Variants in ITGB2 observed in about 807,000 individuals in gnomAD.
ITGB2 encodes integrin beta-2.
A neutral mutation model predicts 86.8 loss-of-function variants in ITGB2; 56 were observed. The ratio of observed to expected loss-of-function variants is 0.65; its 90% confidence interval spans 0.52 to 0.81. ITGB2 has a LOEUF of 0.81. Ranked by LOEUF, ITGB2 falls within the 30% of genes least tolerant of loss-of-function variation. ITGB2 has a pLI of 0.00. For missense variants in ITGB2, 948 were observed against 1,061.2 expected (o/e 0.89, Z 1.48); for synonymous variants, 457 against 450.4 (o/e 1.01, Z -0.19).
chr21:44,894,775 C>G, intron 9 of ITGB2, 196 bp downstream of exon 9: 1 of 641,142 alleles, frequency 1.6e-6, no homozygotes. Context: ...CGAGAGAGGA[C>G]CCAGAGCTCC....
chr21:44,922,478 C>T (rs1348533558), upstream of ITGB2, among the ~76,000 whole-genome samples: 1 of 151,854 alleles, frequency 6.6e-6, no homozygotes, highest in Non-Finnish European at 1.5e-5. Flanking sequence ...GCCTAGGCAA[C>T]ATTTGGAGAC....
chr21:44,927,667 G>C (rs2084391419), intron 1 of ITGB2: 1 of 152,442 alleles, frequency 6.6e-6, no homozygotes, highest in Non-Finnish European at 1.5e-5. Flanking sequence ...TTTGAAGGCG[G>C]GTGAGACCTT....
chr21:44,899,865 G>T (rs1475541483), intron 7 of ITGB2, among the ~76,000 whole-genome samples: 1 of 152,248 alleles, frequency 6.6e-6, no homozygotes, highest in African/African-American at 2.4e-5. Context: ...CAGGCAATGG[G>T]GGCAGGGAGG....
chr21:44,912,453 G>A (rs1392530716), intron 1 of ITGB2, among the ~76,000 whole-genome samples: 1 of 152,228 alleles, frequency 6.6e-6, no homozygotes, highest in Non-Finnish European at 1.5e-5. Flanking sequence ...TGTTGTTTTG[G>A]CAGTGACCTC....
chr21:44,901,815 G>C (rs2083964144), intron 5 of ITGB2, 82 bp from the exon 6 acceptor site: 1 of 1,465,444 alleles, frequency 6.8e-7, no homozygotes, highest in Admixed American at 2.0e-5. Context: ...ACGAGGGCAA[G>C]CCTGTTTCCT....
At chr21:44,893,874 A>T in intron 9 of ITGB2, 1 of 366,316 alleles carries the variant, frequency 2.7e-6, no homozygotes, top group Non-Finnish European at 5.4e-6. Flanking sequence ...GATAAGAGAG[A>T]TGGGGAGAAA....
At chr21:44,895,423 G>A (rs955522055) in intron 8 of ITGB2, among the ~76,000 whole-genome samples, 4 of 152,122 alleles carry the variant, frequency 2.6e-5, no homozygotes, top group Non-Finnish European at 4.4e-5. Flanking sequence ...CCAGATACTC[G>A]GGAGGCTGAG....
chr21:44,925,920 TACA>T (rs1245468357), intron 1 of ITGB2, among the ~76,000 whole-genome samples: 1 of 151,994 alleles, frequency 6.6e-6, no homozygotes, highest in East Asian at 1.9e-4. Context: ...CTACTAAAAA[TACA>T]ACAACAACAA....
chr21:44,905,080 A>G (rs1393293484), intron 4 of ITGB2, among the ~76,000 whole-genome samples: 2 of 152,190 alleles, frequency 1.3e-5, no homozygotes, highest in East Asian at 1.9e-4. Flanking sequence ...CCCACGAGCA[A>G]TGTGGCCATG....
At position 44,889,370 on chromosome 21, in the gene ITGB2, G is replaced by A. The variant is rs756086891; in HGVS notation, c.1783C>T (p.Arg595Trp). Residue 595 changes from arginine (R) to tryptophan (W), a missense_variant, in exon 13 of 16, where the codon CGG becomes TGG. Coordinates refer to ENST00000652462, the MANE Select transcript of ITGB2 (RefSeq NM_000211.5). ...PRRVECSGRGRCRCNVCECHS... is the reference protein window; with the variant it reads ...PRRVECSGRGWCRCNVCECHS... ...CACTCGCATACGTTGCAGCGGCACCGGCCACGACCACTACACTCAACACGC... is the reference window on the plus strand; with the variant it reads ...CACTCGCATACGTTGCAGCGGCACCAGCCACGACCACTACACTCAACACGC... 66 of 1,612,728 alleles carry A rather than the reference G, an allele frequency of 4.1e-5. No homozygotes were observed. In the South Asian group the frequency reaches 4.6e-4, roughly 11 times the overall value.
At chr21:44,920,783 A>C (rs963928628) in intron 1 of ITGB2, 38 bp downstream of exon 1, 6 of 152,240 alleles carry the variant, frequency 3.9e-5, no homozygotes, top group African/African-American at 1.4e-4. Flanking sequence ...TTCCCTCCAA[A>C]AATCACCGTG....
rs766736050 is a variant in ITGB2 at position 44,891,975 on chromosome 21, T to C, written c.1246A>G (p.Thr416Ala). 6.2e-7 allele frequency: 1 copy of C among 1,612,940 alleles called. No individual in the cohort carries two copies. Among genetic ancestry groups the C allele is most frequent in the South Asian group, 1.1e-5 (1 of 91,072 alleles). ...NVPITFQVKV[T>A]ATECIQEQSF... Reference sequence around the variant, plus strand: ...TGCTCCTGGATGCACTCTGTGGCCGTGACCTTCACCTGGAAGGTGATCTGC... The same window carrying C: ...TGCTCCTGGATGCACTCTGTGGCCGCGACCTTCACCTGGAAGGTGATCTGC... The change falls in exon 11 of 16, where the codon ACG becomes GCG. Residue 416 changes from threonine (T) to alanine (A), a missense_variant. By Grantham distance (58) the Thr-to-Ala change is moderately conservative. Coordinates refer to ENST00000652462, the MANE Select transcript of ITGB2 (RefSeq NM_000211.5).
chr21:44,913,129 C>T (rs1269436982), intron 1 of ITGB2, among the ~76,000 whole-genome samples: 1 of 150,000 alleles, frequency 6.7e-6, no homozygotes, highest in Admixed American at 6.6e-5. Flanking sequence ...GGCTTCAGGA[C>T]TCCCCCAGGG....
rs150327269 is a variant in ITGB2, at chr21:44,900,320, G to A, written c.897C>T (p.Phe299=). 1.7e-5 allele frequency: 27 copies of A among 1,614,074 alleles called. No homozygotes were observed. The highest frequency in any genetic ancestry group is 5.3e-5 in the African/African-American group (4 of 74,936). The change falls in exon 7 of 16, where the codon TTC becomes TTT. Residue 299 remains phenylalanine (F), a splice_region_variant and synonymous_variant. Transcript: ENST00000652462. ...CTGGGTGCCTGGGGTGGGGACTTAC[G>A]AATTCGTTGCTCCTCTTGTACAAGT... is the stretch of plus-strand genomic sequence containing the variant. ...EDNLYKRSNE[F]DYPSVGQLAH...
rs1380327298 is a variant in ITGB2, at chr21:44,890,044, C to G, written c.1591G>C (p.Gly531Arg). Residue 531 changes from glycine to arginine, a missense_variant, in exon 12 of 16, where the codon GGG (glycine) becomes CGG (arginine). By Grantham distance (125) the Gly-to-Arg change is moderately radical. Coordinates refer to ENST00000652462, the MANE Select transcript of ITGB2 (RefSeq NM_000211.5). ...TSDVPGKLIYGQYCECDTINC... is the reference protein window; with the variant it reads ...TSDVPGKLIYRQYCECDTINC... ...ATGGTGTCACACTCGCAGTACTGCCCGTATATCAGCTTGCCGGGGACGTCG... is the reference window on the plus strand; with the variant it reads ...ATGGTGTCACACTCGCAGTACTGCCGGTATATCAGCTTGCCGGGGACGTCG... 1 of 1,613,510 alleles carries G rather than the reference C, an allele frequency of 6.2e-7. No individual in the cohort carries two copies. The highest frequency in any genetic ancestry group is 1.1e-5 in the South Asian group (1 of 91,088).
chr21:44,916,417 GTC>G (rs2084210752), intron 1 of ITGB2, among the ~76,000 whole-genome samples: 1 of 152,198 alleles, frequency 6.6e-6, no homozygotes, highest in African/African-American at 2.4e-5. Flanking sequence ...GAAGGAGACT[GTC>G]TGTTCCTGGG....
In ITGB2 at chr21:44,899,673, G is replaced by A. The variant is rs567957919; in HGVS notation, c.898-511C>T. Among the ~76,000 whole-genome samples the A allele has an allele frequency of 5.9e-5, 9 of 152,304 alleles. No individual in the cohort carries two copies. The South Asian group carries it at 1.9e-3, about 32-fold the overall frequency. On this transcript the variant is annotated intron_variant, in intron 7 of 15. Coordinates refer to ENST00000652462, the MANE Select transcript of ITGB2 (RefSeq NM_000211.5). ...GTCGCACTACGGCCAGCGAGGACAA[G>A]CCCCTTGTGACCAGTGGTTGCCTCT...
intron 6 of ITGB2, among the ~76,000 whole-genome samples, 159 bp from the exon 7 acceptor site, chr21:44,900,634 C>T (rs920602191): frequency 6.1e-4 from 90 of 148,200 alleles, no homozygotes; most frequent in Middle Eastern, 3.5e-3. Flanking sequence ...TTCCCCCAGA[C>T]GCCACGCCCA....
chr21:44,895,109 G>T, intron 8 of ITGB2, 49 bp from the exon 9 acceptor site: 1 of 1,314,388 alleles, frequency 7.6e-7, no homozygotes, highest in Non-Finnish European at 1.1e-6. Flanking sequence ...CTGTGCCACG[G>T]CATCTCCACG....
Sources: allele counts gnomAD v4.1 joint callset (sites outside exome capture counted in the v4.1 genomes callset), GRCh38; gene constraint gnomAD v4.1.1; transcripts MANE v1.5; gene names NCBI Gene and HGNC (gene_info 2026-07-23, HGNC 2026-07-21).